PAPPA: variants seen among roughly 807,000 people sequenced by gnomAD.
The protein encoded by PAPPA is pappalysin-1.
Under a neutral mutation model 164.0 loss-of-function variants are expected in PAPPA, and 60 were observed. The ratio of observed to expected loss-of-function variants is 0.37; its 90% confidence interval spans 0.30 to 0.45. The LOEUF is 0.45. PAPPA is among the 20% of genes least tolerant of loss of function. The pLI, the probability that PAPPA is intolerant of heterozygous loss-of-function variation, is 1.00. For missense variants in PAPPA, 1,782 were observed against 2,087.3 expected (o/e 0.85, Z 2.85); for synonymous variants, 875 against 814.1 (o/e 1.07, Z -1.27).
intron 13 of PAPPA, among the ~76,000 whole-genome samples, chr9:116,342,823 A>G (rs1253462806): frequency 6.6e-6 from 1 of 152,210 alleles, no homozygotes; most frequent in Non-Finnish European, 1.5e-5. Flanking sequence ...AGACACAGTC[A>G]GAGAGGCAAA....
At chr9:116,341,207 A>C (rs922296783) in intron 13 of PAPPA, among the ~76,000 whole-genome samples, 1 of 151,698 alleles carries the variant, frequency 6.6e-6, no homozygotes, top group Non-Finnish European at 1.5e-5. Flanking sequence ...CTCCCAGCTA[A>C]TTTTTTTATT....
chr9:116,245,214 C>T (rs1406407269), intron 7 of PAPPA, among the ~76,000 whole-genome samples: 4 of 152,000 alleles, frequency 2.6e-5, no homozygotes, highest in South Asian at 2.1e-4. Flanking sequence ...GCACAATGTA[C>T]ATTATTCAGA....
intron 21 of PAPPA, among the ~76,000 whole-genome samples, chr9:116,384,879 C>T (rs550014954): frequency 2.8e-4 from 42 of 152,244 alleles, no homozygotes; most frequent in Non-Finnish European, 2.2e-4. Context: ...CTGACACCAA[C>T]GGTTGGAGAA....
Position 116,306,758 on chromosome 9 carries a change from G to A in PAPPA, c.3147+3808G>A, listed in dbSNP as rs548721792. ...CATTTCTCTAATGCTTTACACAAAA[G>A]GATGCCAAAATGAGATGTTGATATT... On this transcript the variant is annotated intron_variant, in intron 10 of 21. Transcript: ENST00000328252. Among the ~76,000 whole-genome samples, 233 of 152,254 alleles carry A rather than the reference G, an allele frequency of 1.5e-3. 1 individual carries two copies. Among genetic ancestry groups the A allele is most frequent in the African/African-American group, 5.2e-3 (217 of 41,532 alleles).
Position 116,367,645 on chromosome 9 carries a change from G to A in PAPPA, c.4496G>A (p.Gly1499Glu). Residue 1499 changes from glycine to glutamate, a missense_variant and splice_region_variant, in exon 19 of 22, where the codon GGG becomes GAG. By Grantham distance (98) the Gly-to-Glu change is moderately conservative (BLOSUM62 -2). Transcript: ENST00000328252. ...GCGCCTCATGCTGTACTTCCCTCAG[G>A]GTCGGAGTGTGCCACCTCGTGCCTG... ...KLQCPDGYAI[G>E]SECATSCLDH... The A allele has an allele frequency of 6.2e-7, 1 of 1,612,490 alleles. No homozygotes were observed. Among genetic ancestry groups the A allele is most frequent in the Non-Finnish European group, 8.5e-7 (1 of 1,178,802 alleles).
intron 14 of PAPPA, among the ~76,000 whole-genome samples, 171 bp from the exon 15 acceptor site, chr9:116,346,855 T>C (rs1846216470): frequency 6.6e-6 from 1 of 152,204 alleles, no homozygotes; most frequent in African/African-American, 2.4e-5. Context: ...ATCTGAAATA[T>C]GTAATTCATG....
intron 2 of PAPPA, among the ~76,000 whole-genome samples, chr9:116,197,285 T>C (rs1439127296): frequency 6.6e-6 from 1 of 152,198 alleles, no homozygotes; most frequent in Non-Finnish European, 1.5e-5. Flanking sequence ...AATAAAGCCA[T>C]GCACTGGCAC....
At chr9:116,261,277 T>C (rs1044030189) in intron 7 of PAPPA, among the ~76,000 whole-genome samples, 3 of 152,180 alleles carry the variant, frequency 2.0e-5, no homozygotes, top group African/African-American at 7.2e-5. Context: ...TAGAGACTAT[T>C]TGAAGAGATA....
chr9:116,307,921 A>T (rs1194687940), intron 10 of PAPPA, among the ~76,000 whole-genome samples: 1 of 152,238 alleles, frequency 6.6e-6, no homozygotes, highest in African/African-American at 2.4e-5. Context: ...CCTGGTAGAA[A>T]TGAAGGATGC....
chr9:116,168,635 T>A (rs1843741563), intron 1 of PAPPA, among the ~76,000 whole-genome samples: 1 of 152,218 alleles, frequency 6.6e-6, no homozygotes, highest in Non-Finnish European at 1.5e-5. Context: ...GGTATAGTCA[T>A]GTATGTAATT....
intron 21 of PAPPA, among the ~76,000 whole-genome samples, chr9:116,395,621 CTCTTCCTATCAGT>C (rs1846952438): frequency 6.6e-6 from 1 of 152,194 alleles, no homozygotes; most frequent in African/African-American, 2.4e-5. Flanking sequence ...CTCTGTTGGG[CTCTTCCTATCAGT>C]TTGCAGAAAG....
chr9:116,175,958 A>G (rs1184653386), intron 1 of PAPPA, among the ~76,000 whole-genome samples: 1 of 152,236 alleles, frequency 6.6e-6, no homozygotes, highest in Admixed American at 6.5e-5. Context: ...TGTGGGAACT[A>G]TCAAGAAACA....
chr9:116,298,828 A>G (rs1381151943), intron 9 of PAPPA, among the ~76,000 whole-genome samples: 6 of 152,192 alleles, frequency 3.9e-5, no homozygotes, highest in Non-Finnish European at 7.4e-5. Context: ...TATCAATGCT[A>G]CCTAGCTACT....
intron 1 of PAPPA, among the ~76,000 whole-genome samples, chr9:116,177,048 A>G (rs1257617256): frequency 2.0e-5 from 3 of 148,810 alleles, no homozygotes; most frequent in Non-Finnish European, 4.5e-5. Flanking sequence ...TATGTTTCTG[A>G]GCTTATTAGA....
intron 9 of PAPPA, among the ~76,000 whole-genome samples, chr9:116,297,770 A>C (rs1845527716): frequency 6.6e-6 from 1 of 152,182 alleles, no homozygotes; most frequent in East Asian, 1.9e-4. Context: ...TAGAATCTCT[A>C]ATTAAGAAGA....
intron 15 of PAPPA, among the ~76,000 whole-genome samples, chr9:116,350,888 A>C (rs1846272703): frequency 6.6e-6 from 1 of 152,242 alleles, no homozygotes; most frequent in South Asian, 2.1e-4. Flanking sequence ...AAATATATAT[A>C]GTTGTCAGTC....
chr9:116,253,543 T>C (rs1427742587), intron 7 of PAPPA, among the ~76,000 whole-genome samples: 1 of 152,110 alleles, frequency 6.6e-6, no homozygotes, highest in Non-Finnish European at 1.5e-5. Context: ...ATACTTTCTG[T>C]CTCAGATCCT....
chr9:116,164,378 T>C (rs564291755), intron 1 of PAPPA, among the ~76,000 whole-genome samples: 54 of 152,350 alleles, frequency 3.5e-4, no homozygotes, highest in African/African-American at 1.1e-3. Flanking sequence ...TTTTTTGGTA[T>C]TATTTGCCAC....
At chr9:116,359,458 G>A (rs1326552556) in intron 17 of PAPPA, among the ~76,000 whole-genome samples, 1 of 152,182 alleles carries the variant, frequency 6.6e-6, no homozygotes, top group African/African-American at 2.4e-5. Flanking sequence ...TTAGCATGAA[G>A]AATTGTACAA....
Sources: allele counts gnomAD v4.1 joint callset (sites outside exome capture counted in the v4.1 genomes callset), GRCh38; gene constraint gnomAD v4.1.1; transcripts MANE v1.5; gene names NCBI Gene and HGNC (gene_info 2026-07-23, HGNC 2026-07-21).